MROH2A: variants seen among roughly 807,000 people sequenced by gnomAD.
The protein encoded by MROH2A is maestro heat like repeat family member 2A, also known as maestro heat-like repeat-containing protein family member 2A.
A neutral mutation model predicts 200.4 loss-of-function variants in MROH2A; 174 were observed. That is an observed-to-expected ratio of 0.87 (90% CI 0.77 to 0.98). The LOEUF is 0.98. Ranked by LOEUF, MROH2A falls within the 50% of genes least tolerant of loss-of-function variation. The pLI is 0.00. For missense variants in MROH2A, 2,045 were observed against 2,139.6 expected, an observed-to-expected ratio of 0.96 and a Z score of 0.87; for synonymous variants, 829 against 840.4, an observed-to-expected ratio of 0.99 and a Z score of 0.23.
rs1575967049 is a variant in MROH2A at position 233,807,320 on chromosome 2, A to T, written c.2053-103A>T. On this transcript the variant is annotated intron_variant, in intron 19 of 41. Coordinates refer to ENST00000389758, the MANE Select transcript of MROH2A (RefSeq NM_001394639.1). The surrounding 1 kb of genome is among the most constrained non-coding windows in gnomAD (Gnocchi z 4.3). ...ACGTGTGTGCAAGTATCTTCTGCACATTAAAATAAATTGAAAAATACGTAG... is the reference window on the plus strand; with the variant it reads ...ACGTGTGTGCAAGTATCTTCTGCACTTTAAAATAAATTGAAAAATACGTAG... The T allele has an allele frequency of 7.7e-7, 1 of 1,290,834 alleles. No individual in the cohort carries two copies. Among genetic ancestry groups the T allele is most frequent in the Non-Finnish European group, 1.0e-6 (1 of 961,718 alleles). 80.0% of individuals were successfully genotyped at this position (1,290,834 alleles called of 1,614,324 possible).
Position 233,822,957 on chromosome 2 carries a change from G to C in MROH2A, c.3943G>C (p.Ala1315Pro), listed in dbSNP as rs976962853. Residue 1315 changes from alanine (A) to proline (P), a missense_variant, in exon 34 of 42, where the codon GCA (alanine) becomes CCA (proline). This residue lies in a region of MROH2A where 1,201 missense variants were observed against 1,311.3 expected (regional missense o/e 0.92). Coordinates refer to ENST00000389758, the MANE Select transcript of MROH2A (RefSeq NM_001394639.1). ...CCTGGCACATACCCTGGACGAGCAGGCAGTGTGGGACCTCCTGCAGGACGG... is the reference window on the plus strand; with the variant it reads ...CCTGGCACATACCCTGGACGAGCAGCCAGTGTGGGACCTCCTGCAGGACGG... ...QHLAHTLDEQAVWDLLQDGGT... is the reference protein window; with the variant it reads ...QHLAHTLDEQPVWDLLQDGGT... The C allele has an allele frequency of 1.4e-5, 22 of 1,550,526 alleles. No homozygotes were observed. Among genetic ancestry groups the C allele is most frequent in the Middle Eastern group, 3.3e-4 (2 of 6,014 alleles).
At position 233,829,785 on chromosome 2, in the gene MROH2A, A is replaced by C; in HGVS notation, c.4602+10A>C. On this transcript the variant is annotated intron_variant, in intron 38 of 41. Transcript: ENST00000389758. ...CTCCAATGCAGCCCAAGTAAGATACATCCTGGGCTTTGTGTCCCAGTCTGG... is the reference window on the plus strand; with the variant it reads ...CTCCAATGCAGCCCAAGTAAGATACCTCCTGGGCTTTGTGTCCCAGTCTGG... 1 of 1,320,336 alleles carries C rather than the reference A, an allele frequency of 7.6e-7. No homozygotes were observed. The allele number at this position is 1,320,336 out of a possible 1,614,324, so 81.8% of individuals were successfully genotyped here. A position where few individuals can be genotyped will look rare whatever the true frequency, so the allele number is the denominator to read the frequency against.
In MROH2A at chr2:233,804,203, T is replaced by C. The variant is rs184170791; in HGVS notation, c.1891+11T>C. 219 of 1,550,288 alleles carry C rather than the reference T, an allele frequency of 1.4e-4. No individual in the cohort carries two copies. The East Asian group carries it at 5.0e-3, about 36-fold the overall frequency. On this transcript the variant is annotated intron_variant, in intron 17 of 41. Transcript: ENST00000389758. Reference sequence around the variant, plus strand: ...TCCGGTACCTGGAAGGTGAGGTTCCTGGGGAGCCCATCCCAAGCCAACCCT... The same window carrying C: ...TCCGGTACCTGGAAGGTGAGGTTCCCGGGGAGCCCATCCCAAGCCAACCCT...
Position 233,830,067 on chromosome 2 carries a change from C to A in MROH2A, c.4602+292C>A, listed in dbSNP as rs1454457046. On this transcript the variant is annotated intron_variant, in intron 38 of 41. Transcript: ENST00000389758. ...TAGCCCTCCTCTGCCCAAACCCTTTCTTCTAGCAGATTCTGTAACTGGCAG... is the reference window on the plus strand; with the variant it reads ...TAGCCCTCCTCTGCCCAAACCCTTTATTCTAGCAGATTCTGTAACTGGCAG... 2.0e-5 allele frequency among the ~76,000 whole-genome samples: 3 copies of A among 152,208 alleles called. No homozygotes were observed. In the East Asian group the frequency reaches 5.8e-4, roughly 29 times the overall value.
At chr2:233,829,589 G>T in intron 37 of MROH2A, 31 bp from the exon 38 acceptor site, 1 of 1,361,704 alleles carries the variant, frequency 7.3e-7, no homozygotes, top group Non-Finnish European at 9.5e-7. Flanking sequence ...CCTGCTGCCT[G>T]CATGTCAGCC....
chr2:233,819,235 TG>T, intron 29 of MROH2A, 81 bp from the exon 30 acceptor site: 3 of 1,363,634 alleles, frequency 2.2e-6, no homozygotes, highest in Non-Finnish European at 2.0e-6. Context: ...AGTGGGGCCA[TG>T]GGGTGGGACA....
chr2:233,799,803 C>T lies in MROH2A; in HGVS notation c.1353C>T (p.Ile451=), dbSNP rs1368388670. ...AGGTGAGGATGGCTATTCTCCACAT[C>T]ATTGGGCAGTTGGCTCTCTGTGGCT... ...RSKVRMAILH[I]IGQLALCGYQ... is the part of the protein sequence containing the mutation. The change falls in exon 13 of 42, where the codon ATC becomes ATT. Residue 451 remains isoleucine, a synonymous_variant. Transcript: ENST00000389758. 1.9e-6 allele frequency: 3 copies of T among 1,550,522 alleles called. No individual in the cohort carries two copies. The highest frequency in any genetic ancestry group is 2.6e-6 in the Non-Finnish European group (3 of 1,146,986).
At chr2:233,788,582 C>G (rs940133225) in intron 3 of MROH2A, among the ~76,000 whole-genome samples, 1 of 152,106 alleles carries the variant, frequency 6.6e-6, no homozygotes, top group Non-Finnish European at 1.5e-5. Flanking sequence ...GGAGGAAGGA[C>G]ATTTTTTCCT....
chr2:233,815,780 C>T (rs991479081), intron 26 of MROH2A, among the ~76,000 whole-genome samples: 2 of 121,788 alleles, frequency 1.6e-5, no homozygotes, highest in Non-Finnish European at 4.0e-5. Context: ...TGCACTGTCT[C>T]GATTACTGTT....
intron 5 of MROH2A, among the ~76,000 whole-genome samples, chr2:233,790,945 T>C (rs575963311): frequency 6.6e-6 from 1 of 152,138 alleles, no homozygotes; most frequent in Non-Finnish European, 1.5e-5. Context: ...CTGCAGCCCT[T>C]GTTGAGGTAG....
At chr2:233,815,931 C>T (rs529850962) in intron 26 of MROH2A, among the ~76,000 whole-genome samples, 2 of 145,390 alleles carry the variant, frequency 1.4e-5, no homozygotes, top group South Asian at 4.4e-4. Context: ...TTTTAAATTT[C>T]CCTTATGATT....
At chr2:233,823,067 C>T (rs1396841230) in intron 34 of MROH2A, 49 bp downstream of exon 34, 7 of 1,542,650 alleles carry the variant, frequency 4.5e-6, no homozygotes, top group East Asian at 2.4e-5. Flanking sequence ...AGAGGCACCT[C>T]CTTGCTGGAT....
intron 5 of MROH2A, among the ~76,000 whole-genome samples, chr2:233,792,336 G>T (rs1184694263): frequency 7.0e-6 from 1 of 142,998 alleles, no homozygotes; most frequent in Non-Finnish European, 1.5e-5. Flanking sequence ...TTTTTGAGAT[G>T]GAGTCATGCT....
In MROH2A at chr2:233,800,599, T is replaced by C. The variant is rs370399981; in HGVS notation, c.1560+284T>C. 7.5e-4 allele frequency among the ~76,000 whole-genome samples: 114 copies of C among 151,512 alleles called. 1 individual carries two copies. The highest frequency in any genetic ancestry group is 2.5e-3 in the African/African-American group (103 of 41,186). ...ATCATTTGAGCAAGTACCTGAAATG[T>C]GTCCATTACTTTAAGGCCCGTGTGT... On this transcript the variant is annotated intron_variant, in intron 14 of 41. Transcript: ENST00000389758.
chr2:233,785,645 G>C (rs571982816), intron 3 of MROH2A, among the ~76,000 whole-genome samples: 2 of 152,226 alleles, frequency 1.3e-5, no homozygotes, highest in South Asian at 4.1e-4. Context: ...AACTGGTGAG[G>C]TAGGGTAAGA....
Position 233,805,055 on chromosome 2 carries a change from T to G in MROH2A, c.1996T>G (p.Leu666Val). Residue 666 changes from leucine (L) to valine (V), a missense_variant, in exon 19 of 42, where the codon TTG becomes GTG. Coordinates refer to ENST00000389758, the MANE Select transcript of MROH2A (RefSeq NM_001394639.1). The stretch of plus-strand genomic sequence containing the variant: ...CCGGGGGTCTAGCTGGAGCCTGCGC[T>G]TGAGTAAAGAGCTGAACAACCAGAT... ...KTRGSSWSLRLSKELNNQIAS... is the reference protein window; with the variant it reads ...KTRGSSWSLRVSKELNNQIAS... 1 of 1,550,224 alleles carries G rather than the reference T, an allele frequency of 6.5e-7. No individual in the cohort carries two copies. The highest frequency in any genetic ancestry group is 8.7e-7 in the Non-Finnish European group (1 of 1,146,830).
Position 233,789,926 on chromosome 2 carries a change from C to A in MROH2A, c.483C>A (p.Val161=). Residue 161 remains valine (V), a synonymous_variant, in exon 5 of 42, where the codon GTC becomes GTA. Coordinates refer to ENST00000389758, the MANE Select transcript of MROH2A (RefSeq NM_001394639.1). The stretch of plus-strand genomic sequence containing the variant: ...TGTCCCGAAACCACTTCAGCTTGGT[C>A]ATGTACGAGCTGCAGCACCACCTCA... The part of the protein sequence containing the change: ...VALSRNHFSL[V]MYELQHHLKP... 6.4e-7 allele frequency: 1 copy of A among 1,550,482 alleles called. No individual in the cohort carries two copies. Among genetic ancestry groups the A allele is most frequent in the South Asian group, 1.2e-5 (1 of 84,042 alleles).
Position 233,811,896 on chromosome 2 carries a change from A to AACCGACTGAC in MROH2A, c.2590_2599dup (p.Asn867ThrfsTer3). On this transcript the variant is annotated frameshift_variant, in exon 24 of 42. Coordinates refer to ENST00000389758, the MANE Select transcript of MROH2A (RefSeq NM_001394639.1). LOFTEE classifies it high-confidence loss of function. ...GTTGGACAGGCGGTCATCAAGGCAG[A>AACCGACTGAC]ACCGACTGACAACCTGGTTTCTCCA... 1 of 1,550,408 alleles carries AACCGACTGAC rather than the reference A, an allele frequency of 6.4e-7. No homozygotes were observed. Among genetic ancestry groups the AACCGACTGAC allele is most frequent in the Non-Finnish European group, 8.7e-7 (1 of 1,146,898 alleles).
chr2:233,792,937 C>A (rs138270951), intron 6 of MROH2A, 43 bp downstream of exon 6: 1 of 1,541,384 alleles, frequency 6.5e-7, no homozygotes, highest in South Asian at 1.2e-5. Flanking sequence ...TCGATCAGGG[C>A]GCCGGAGGGA....
Sources: gnomAD v4.1 joint callset for allele counts (sites outside exome capture counted in the v4.1 genomes callset) on GRCh38, gnomAD v4.1.1 for gene constraint, gnomAD v4.1.1 regional missense constraint, Gnocchi (gnomAD v3.1) non-coding constraint, MANE v1.5 for transcripts, NCBI Gene and HGNC (gene_info 2026-07-23, HGNC 2026-07-21) for gene names.